UNC80: variants seen among roughly 807,000 people sequenced by gnomAD.
UNC80 encodes unc-80 subunit of NALCN channel complex.
A neutral mutation model predicts 384.6 loss-of-function variants in UNC80; 164 were observed. That is an observed-to-expected ratio of 0.43 (90% CI 0.38 to 0.49). UNC80 has a LOEUF of 0.49. Ranked by LOEUF, UNC80 falls within the 20% of genes least tolerant of loss-of-function variation. The pLI is 0.00. For synonymous variants in UNC80, 1,486 were observed against 1,527.8 expected (o/e 0.97, Z 0.64); for missense variants, 3,330 against 4,143.0 (o/e 0.80, Z 5.39).
intron 39 of UNC80, among the ~76,000 whole-genome samples, chr2:209,935,137 T>C (rs1470586350): frequency 2.6e-5 from 4 of 152,228 alleles, no homozygotes; most frequent in African/African-American, 9.6e-5. Flanking sequence ...TCACCTCATC[T>C]AGAAAACAGG....
intron 12 of UNC80, among the ~76,000 whole-genome samples, chr2:209,820,049 A>G (rs1392002649): frequency 6.6e-6 from 1 of 152,228 alleles, no homozygotes; most frequent in Admixed American, 6.5e-5. Flanking sequence ...TTAACTGTTG[A>G]TATCATAGCA....
At position 209,813,716 on chromosome 2, in the gene UNC80, C is replaced by G. The variant is rs1332009938; in HGVS notation, c.1075C>G (p.Leu359Val). Residue 359 changes from leucine (L) to valine (V), a missense_variant, in exon 8 of 65, where the codon CTG becomes GTG. This residue lies in a region of UNC80 where 937 missense variants were observed against 1,026.8 expected (regional missense o/e 0.91). Transcript: ENST00000673920. ...GTCTCTGATGTACTATCTACAAAGG[C>G]TGCGACACATGTTGGAAGAGAAGCC... ...QWSLMYYLQRLRHMLEEKPEK... is the reference protein window; with the variant it reads ...QWSLMYYLQRVRHMLEEKPEK... 1.3e-6 allele frequency: 2 copies of G among 1,551,640 alleles called. No homozygotes were observed. Among genetic ancestry groups the G allele is most frequent in the African/African-American group, 2.7e-5 (2 of 73,018 alleles).
intron 29 of UNC80, among the ~76,000 whole-genome samples, chr2:209,912,092 C>A (rs1388896947): frequency 2.0e-5 from 3 of 152,172 alleles, no homozygotes; most frequent in African/African-American, 7.2e-5. Flanking sequence ...TGTTTTCTCT[C>A]CTTTATGACC....
intron 58 of UNC80, 128 bp from the exon 59 acceptor site, chr2:209,978,401 A>C (rs2093065593): frequency 1.3e-6 from 1 of 744,396 alleles, no homozygotes; most frequent in Non-Finnish European, 2.0e-6. Flanking sequence ...CTTTGTTATA[A>C]AGATCATTTG....
chr2:209,894,261 C>T lies in UNC80; in HGVS notation c.4375C>T (p.Arg1459Cys), dbSNP rs756920539. 28 of 985,384 alleles carry T rather than the reference C, an allele frequency of 2.8e-5. No homozygotes were observed. Among genetic ancestry groups the T allele is most frequent in the Middle Eastern group, 5.2e-4 (1 of 1,914 alleles). 61.0% of individuals were successfully genotyped at this position (985,384 alleles called of 1,614,324 possible). ...GAAGGGGGGTTCCTTGTCCAGCATT[C>T]GCCGGGTCGGCAGCTTAAAGAGCAG... ...VKKGGSLSSI[R>C]RVGSLKSSKL... Residue 1459 changes from arginine (R) to cysteine (C), a missense_variant, in exon 27 of 65, where the codon CGC (arginine) becomes TGC (cysteine). Arg to Cys is a radical substitution (Grantham distance 180). Coordinates refer to ENST00000673920, the MANE Select transcript of UNC80 (RefSeq NM_001371986.1).
At position 209,935,626 on chromosome 2, in the gene UNC80, C is replaced by T. The variant is rs1195811212; in HGVS notation, c.6179-88C>T. The T allele has an allele frequency of 1.4e-5, 8 of 560,834 alleles. No individual in the cohort carries two copies. The South Asian group carries it at 2.4e-4, about 17-fold the overall frequency. The allele number at this position is 560,834 out of a possible 1,614,324, so 34.7% of individuals were successfully genotyped here. ...TTGTAATTAACAGTAAAAACATCAG[C>T]TTATTGATAATATTTTAATATTTTA... On this transcript the variant is annotated intron_variant, in intron 39 of 64. Transcript: ENST00000673920.
chr2:209,828,801 C>A (rs915713957), intron 14 of UNC80, among the ~76,000 whole-genome samples: 32 of 152,130 alleles, frequency 2.1e-4, no homozygotes, highest in African/African-American at 7.5e-4. Flanking sequence ...TATAGACATT[C>A]TTTTGTCTCT....
chr2:209,989,082 G>A (rs2093345060), intron 61 of UNC80, among the ~76,000 whole-genome samples: 1 of 151,610 alleles, frequency 6.6e-6, no homozygotes, highest in African/African-American at 2.4e-5. Context: ...GGAGGCCGAG[G>A]CAGGCAGATT....
chr2:209,929,182 A>G (rs189488472), intron 36 of UNC80, among the ~76,000 whole-genome samples: 181 of 152,290 alleles, frequency 1.2e-3, no homozygotes, highest in African/African-American at 4.0e-3. Flanking sequence ...TTGAAAACCA[A>G]TGGAATTGGG....
intron 22 of UNC80, among the ~76,000 whole-genome samples, chr2:209,862,245 C>T (rs1018840341): frequency 3.3e-5 from 5 of 152,076 alleles, no homozygotes; most frequent in African/African-American, 1.2e-4. Flanking sequence ...TCTTTGTTCT[C>T]ATTGGCTTCA....
intron 31 of UNC80, among the ~76,000 whole-genome samples, chr2:209,916,210 T>C (rs1438143397): frequency 6.6e-6 from 1 of 151,976 alleles, no homozygotes; most frequent in Non-Finnish European, 1.5e-5. Flanking sequence ...AGAGGGTCAG[T>C]AGAGAAGAAA....
chr2:209,910,965 TG>T (rs956196773), intron 29 of UNC80, among the ~76,000 whole-genome samples: 3 of 152,062 alleles, frequency 2.0e-5, no homozygotes, highest in Admixed American at 6.6e-5. Flanking sequence ...ATCATTGGGT[TG>T]GGGATTGTAT....
chr2:209,786,980 C>CATATATATATAT (rs60467878), intron 5 of UNC80, among the ~76,000 whole-genome samples: 7 of 135,842 alleles, frequency 5.2e-5, no homozygotes, highest in African/African-American at 2.0e-4. Flanking sequence ...TCTACAGAAG[C>CATATATATATAT]ATATATATAT....
intron 7 of UNC80, chr2:209,809,028 G>C (rs1401740720): frequency 1.8e-5 from 7 of 382,092 alleles, no homozygotes; most frequent in Non-Finnish European, 3.0e-5. Flanking sequence ...TCCCCCAAGA[G>C]AGTTTCAAGG....
rs555678095 is a variant in UNC80 at position 209,978,558 on chromosome 2, G to A, written c.8968G>A (p.Val2990Met). 5.4e-4 allele frequency: 838 copies of A among 1,550,504 alleles called. 5 individuals carry two copies. The South Asian group carries it at 8.9e-3, about 16-fold the overall frequency. ...AYQGKTSISTVGTSTSAYRLS... is the reference protein window; with the variant it reads ...AYQGKTSISTMGTSTSAYRLS... ...CCAAGGCAAGACATCCATCAGTACC[G>A]TGGGCACCTCCACCTCTGCTTACCG... Residue 2990 changes from valine (V) to methionine (M), a missense_variant, in exon 59 of 65, where the codon GTG becomes ATG. Physicochemically the swap from Val to Met is conservative, Grantham distance 21. Around this residue, in one of 8 missense-constraint regions of UNC80, gnomAD observed 216 missense variants for 245.3 expected, o/e 0.88. Transcript: ENST00000673920.
chr2:209,933,955 T>C lies in UNC80; in HGVS notation c.6128T>C (p.Met2043Thr). The C allele has an allele frequency of 6.4e-7, 1 of 1,550,704 alleles. No individual in the cohort carries two copies. The highest frequency in any genetic ancestry group is 1.8e-4 in the Middle Eastern group (1 of 5,528). The change falls in exon 39 of 65, where the codon ATG becomes ACG. Residue 2043 changes from methionine to threonine, a missense_variant. Met to Thr is a moderately conservative substitution (Grantham distance 81). Around this residue, in one of 8 missense-constraint regions of UNC80, gnomAD observed 1,049 missense variants for 1,488.6 expected, o/e 0.70. Coordinates refer to ENST00000673920, the MANE Select transcript of UNC80 (RefSeq NM_001371986.1). Reference sequence around the variant, plus strand: ...TTCTTCAAGGATCTCAAGCAGACGATGAAGAAGGAGCAGTGTGAGGTGAAG... The same window carrying C: ...TTCTTCAAGGATCTCAAGCAGACGACGAAGAAGGAGCAGTGTGAGGTGAAG... ...GLFFKDLKQT[M>T]KKEQCEVKLL...
At position 209,809,553 on chromosome 2, in the gene UNC80, G is replaced by C. The variant is rs1346805868; in HGVS notation, c.939-4027G>C. ...TGGCCCTGCTCCACAAGCACCAAGA[G>C]TCGGGCTGCTCAGGGGGCCCTCGCT... On this transcript the variant is annotated intron_variant, in intron 7 of 64. Coordinates refer to ENST00000673920, the MANE Select transcript of UNC80 (RefSeq NM_001371986.1). The C allele has an allele frequency of 9.5e-6, 9 of 942,822 alleles. No homozygotes were observed. The Admixed American group carries it at 1.6e-4, about 17-fold the overall frequency. 58.4% of individuals were successfully genotyped at this position (942,822 alleles called of 1,614,324 possible).
At chr2:209,867,050 C>T (rs1166021167) in intron 22 of UNC80, among the ~76,000 whole-genome samples, 1 of 152,156 alleles carries the variant, frequency 6.6e-6, no homozygotes, top group Admixed American at 6.5e-5. Context: ...GGGAATGTTC[C>T]AAATCTTCTC....
chr2:209,900,444 C>A (rs1398822154), intron 28 of UNC80, among the ~76,000 whole-genome samples: 1 of 152,108 alleles, frequency 6.6e-6, no homozygotes, highest in Non-Finnish European at 1.5e-5. Flanking sequence ...ATGAACCACA[C>A]CCATATTGAT....
Sources: allele counts gnomAD v4.1 joint callset (sites outside exome capture counted in the v4.1 genomes callset), GRCh38; gene constraint gnomAD v4.1.1; regional missense constraint gnomAD v4.1.1; transcripts MANE v1.5; gene names NCBI Gene and HGNC (gene_info 2026-07-23, HGNC 2026-07-21).